The following AGTPBP1 variants were observed in gnomAD, a reference collection of about 807,000 sequenced individuals.
AGTPBP1 encodes the protein ATP/GTP binding carboxypeptidase 1, also known as cytosolic carboxypeptidase 1.
Under a neutral mutation model 143.9 loss-of-function variants are expected in AGTPBP1, and 70 were observed. The observed-to-expected ratio is 0.49, with a 90% CI of 0.40 to 0.59. The LOEUF (loss-of-function observed/expected upper bound fraction) is 0.59, where lower values mean the gene tolerates loss of function less well. AGTPBP1 is among the 20% of genes least tolerant of loss of function. The probability of loss-of-function intolerance (pLI) is 0.00; values close to 1 mark genes in which losing one functional copy is unlikely to be tolerated. For synonymous variants in AGTPBP1, 463 were observed against 500.2 expected (o/e 0.93, Z 0.99); for missense variants, 1,229 against 1,464.5 (o/e 0.84, Z 2.62).
At chr9:85,641,031 A>C (rs1380400331) in intron 13 of AGTPBP1, among the ~76,000 whole-genome samples, 2 of 152,058 alleles carry the variant, frequency 1.3e-5, no homozygotes, top group African/African-American at 4.8e-5. Flanking sequence ...CCAGGACATG[A>C]CTCTTCCTTT....
chr9:85,627,778 C>T (rs1831394945), intron 14 of AGTPBP1, among the ~76,000 whole-genome samples: 1 of 152,190 alleles, frequency 6.6e-6, no homozygotes, highest in Non-Finnish European at 1.5e-5. Context: ...GATTAGTAAA[C>T]ATATTTTCTG....
rs145174994 is a variant in AGTPBP1, at chr9:85,588,375, G to T, written c.2826C>A (p.Pro942=). Residue 942 remains proline, a synonymous_variant, in exon 21 of 26, where the codon CCC becomes CCA. Transcript: ENST00000357081. ...AAGATTCTCGTAAGCTCTGAGCAGT[G>T]GGGTTATTGCTCATGAGATATTCCA... ...GTLEYLMSNN[P]TAQSLRESYI... 1.2e-6 allele frequency: 2 copies of T among 1,613,156 alleles called. No individual in the cohort carries two copies. Among genetic ancestry groups the T allele is most frequent in the African/African-American group, 1.3e-5 (1 of 74,886 alleles).
chr9:85,688,809 A>G (rs1835658942), intron 3 of AGTPBP1, among the ~76,000 whole-genome samples: 1 of 152,332 alleles, frequency 6.6e-6, no homozygotes, highest in South Asian at 2.1e-4. Context: ...ATTTAAATAC[A>G]TAAGTAGTAT....
At chr9:85,699,602 C>CAA (rs33990890) in intron 2 of AGTPBP1, among the ~76,000 whole-genome samples, 1 of 143,700 alleles carries the variant, frequency 7.0e-6, no homozygotes. Context: ...TAATAAACAG[C>CAA]AAAAAAAAAA....
intron 3 of AGTPBP1, among the ~76,000 whole-genome samples, chr9:85,689,923 A>AAAAAAAAAAT (rs1835741364): frequency 1.0e-5 from 1 of 97,884 alleles, no homozygotes; most frequent in African/African-American, 4.7e-5. Context: ...AAAAAAAAAA[A>AAAAAAAAAAT]AAATATATAT....
At chr9:85,757,627 C>T in the AGTPBP1 span, among the ~76,000 whole-genome samples, 15 of 152,142 alleles carry the variant, frequency 9.9e-5, no homozygotes, top group Admixed American at 9.8e-4. Context: ...TATCACCACA[C>T]ATCTTACCAG....
At chr9:85,773,349 T>TTTG in the AGTPBP1 span, among the ~76,000 whole-genome samples, 8 of 129,726 alleles carry the variant, frequency 6.2e-5, no homozygotes, top group African/African-American at 2.9e-4. Flanking sequence ...TTTTTTTTTT[T>TTTG]TGCGGCGGAG....
intron 8 of AGTPBP1, among the ~76,000 whole-genome samples, chr9:85,664,026 A>G (rs1833991958): frequency 6.6e-6 from 1 of 152,168 alleles, no homozygotes; most frequent in African/African-American, 2.4e-5. Flanking sequence ...ATAAATAATC[A>G]TGATACATGG....
chr9:85,765,169 A>G, the AGTPBP1 span: 2 of 324,990 alleles, frequency 6.2e-6, no homozygotes, highest in South Asian at 8.1e-5. Context: ...GCATTTGGAA[A>G]CTATTAATTT....
chr9:85,733,928 T>C (rs748416290), intron 1 of AGTPBP1, among the ~76,000 whole-genome samples: 10 of 152,214 alleles, frequency 6.6e-5, no homozygotes, highest in Non-Finnish European at 1.0e-4. Flanking sequence ...AATAGACCCA[T>C]AACTATTGAG....
At chr9:85,702,769 G>C (rs990145726) in intron 2 of AGTPBP1, among the ~76,000 whole-genome samples, 1 of 151,914 alleles carries the variant, frequency 6.6e-6, no homozygotes, top group African/African-American at 2.4e-5. Flanking sequence ...AGGAAGACCA[G>C]GGTAGCATTT....
the AGTPBP1 span, chr9:85,786,258 G>C: frequency 3.1e-6 from 5 of 1,595,512 alleles, no homozygotes; most frequent in South Asian, 5.5e-5. Flanking sequence ...ATCCTCAAAA[G>C]CTCTGGGAAG....
chr9:85,563,563 A>G (rs1423658342), intron 25 of AGTPBP1, among the ~76,000 whole-genome samples: 1 of 152,200 alleles, frequency 6.6e-6, no homozygotes, highest in Non-Finnish European at 1.5e-5. Context: ...TAAAGATGGA[A>G]TCATTCACGA....
At chr9:85,716,895 T>C (rs1837738344) in intron 1 of AGTPBP1, among the ~76,000 whole-genome samples, 1 of 152,190 alleles carries the variant, frequency 6.6e-6, no homozygotes, top group Non-Finnish European at 1.5e-5. Flanking sequence ...ATATCCTACC[T>C]ACAACTTTTC....
chr9:85,595,499 G>A (rs143256114), intron 18 of AGTPBP1, among the ~76,000 whole-genome samples: 1 of 152,224 alleles, frequency 6.6e-6, no homozygotes, highest in Non-Finnish European at 1.5e-5. Flanking sequence ...CACAGAAGTA[G>A]GAAATTATTT....
chr9:85,751,656 C>A, the AGTPBP1 span, among the ~76,000 whole-genome samples: 1 of 152,082 alleles, frequency 6.6e-6, no homozygotes, highest in Non-Finnish European at 1.5e-5. Context: ...ACTCTGTCAC[C>A]TAGGCTGGAG....
chr9:85,596,731 T>G (rs1390332690), intron 17 of AGTPBP1, among the ~76,000 whole-genome samples: 1 of 152,174 alleles, frequency 6.6e-6, no homozygotes, highest in Non-Finnish European at 1.5e-5. Context: ...TTAAAGATAA[T>G]ATATTCCTTA....
At chr9:85,612,602 T>TATA (rs1214957473) in intron 17 of AGTPBP1, among the ~76,000 whole-genome samples, 2 of 152,194 alleles carry the variant, frequency 1.3e-5, no homozygotes. Flanking sequence ...AGGAGGGTTA[T>TATA]GGGACCCCCT....
At chr9:85,797,477 G>A in the AGTPBP1 span, among the ~76,000 whole-genome samples, 13 of 152,204 alleles carry the variant, frequency 8.5e-5, no homozygotes, top group African/African-American at 2.9e-4. Context: ...GTGAAATTTT[G>A]TTCAAAAGGT....
Sources: allele counts gnomAD v4.1 joint callset (sites outside exome capture counted in the v4.1 genomes callset), GRCh38; gene constraint gnomAD v4.1.1; transcripts MANE v1.5; gene names NCBI Gene and HGNC (gene_info 2026-07-23, HGNC 2026-07-21).